ZNF606: variants seen among roughly 807,000 people sequenced by gnomAD.
The protein encoded by ZNF606 is zinc finger protein 606.
In ZNF606, 37 loss-of-function variants were observed where a neutral mutation model predicts 74.9. The ratio of observed to expected loss-of-function variants is 0.49; its 90% CI spans 0.38 to 0.65. ZNF606 has a LOEUF of 0.65. Among genes scored for constraint, ZNF606 ranks in the 30% least tolerant of loss-of-function variants. The probability of loss-of-function intolerance (pLI) is 0.00; values close to 1 mark genes in which losing one functional copy is unlikely to be tolerated. For missense variants in ZNF606, 852 were observed against 952.9 expected (o/e 0.89, Z 1.39); for synonymous variants, 328 against 312.4 (o/e 1.05, Z -0.53).
chr19:57,986,215 A>C (rs1018633878), intron 6 of ZNF606, among the ~76,000 whole-genome samples: 2 of 151,496 alleles, frequency 1.3e-5, no homozygotes, highest in African/African-American at 4.9e-5. Flanking sequence ...GGCTGGGGAT[A>C]GTGACTCACG....
At chr19:57,991,070 C>G (rs1358166149) in intron 4 of ZNF606, among the ~76,000 whole-genome samples, 1 of 152,156 alleles carries the variant, frequency 6.6e-6, no homozygotes, top group African/African-American at 2.4e-5. Flanking sequence ...AGTCCATCTC[C>G]TCCTGCAAGG....
chr19:57,980,065 T>C lies in ZNF606; in HGVS notation c.615A>G (p.Leu205=), dbSNP rs1471141974. The change falls in exon 7 of 7, where the codon CTA becomes CTG. Residue 205 remains leucine, a synonymous_variant. Coordinates refer to ENST00000551380, the MANE Select transcript of ZNF606 (RefSeq NM_001348022.3). The part of the protein sequence containing the change: ...RQMVFMQKQV[L]SQRSSEFCGL... The stretch of plus-strand genomic sequence containing the variant: ...CACAGAATTCAGAGCTTCTCTGGGA[T>C]AGTACTTGCTTTTGCATGAAGACCA... The C allele has an allele frequency of 1.9e-6, 3 of 1,613,812 alleles. No homozygotes were observed. The highest frequency in any genetic ancestry group is 1.1e-5 in the South Asian group (1 of 91,086).
rs767959841 is a variant in ZNF606 at position 57,979,466 on chromosome 19, C to A, written c.1214G>T (p.Cys405Phe). 6.2e-7 allele frequency: 1 copy of A among 1,614,136 alleles called. No individual in the cohort carries two copies. The highest frequency in any genetic ancestry group is 2.2e-5 in the East Asian group (1 of 44,872). ...AGAGCTCCAGATGAAAGACGTCCCA[C>A]ATTCATTGTAGTCATAGGGTTTCTC... is the stretch of plus-strand genomic sequence containing the variant. Reference protein sequence around the residue: ...TAEKPYDYNECGTSFIWSSYL... With the variant: ...TAEKPYDYNEFGTSFIWSSYL... Residue 405 changes from cysteine to phenylalanine, a missense_variant, in exon 7 of 7, where the codon TGT becomes TTT. By Grantham distance (205) the Cys-to-Phe change is radical. Around this residue, in one of 3 missense-constraint regions of ZNF606, gnomAD observed 545 missense variants for 542.5 expected, o/e 1.00. Coordinates refer to ENST00000551380, the MANE Select transcript of ZNF606 (RefSeq NM_001348022.3).
At chr19:57,999,490 G>T in intron 4 of ZNF606, 1 of 464,736 alleles carries the variant, frequency 2.2e-6, no homozygotes. Flanking sequence ...CACAGCATCA[G>T]CCTAAATCGG....
intron 6 of ZNF606, among the ~76,000 whole-genome samples, chr19:57,981,208 T>C (rs888375089): frequency 2.6e-5 from 4 of 152,186 alleles, no homozygotes; most frequent in African/African-American, 9.7e-5. Context: ...GCACGTGTTG[T>C]CACAACTCCT....
chr19:58,001,472 T>C, intron 1 of ZNF606, 102 bp from the exon 2 acceptor site: 1 of 828,870 alleles, frequency 1.2e-6, no homozygotes, highest in Non-Finnish European at 2.0e-6. Context: ...AAAAAACTTG[T>C]AAGGAGCATC....
rs201673912 is a variant in ZNF606 at position 57,980,854 on chromosome 19, AT to A, written c.401-576del. Reference sequence around the variant, plus strand: ...CGTCTCAAAAAAAAAAAAAAAAAAAATGTGCAAGAAAGAGTTAACTCTGCAG... The same window carrying A: ...CGTCTCAAAAAAAAAAAAAAAAAAAAGTGCAAGAAAGAGTTAACTCTGCAG... On this transcript the variant is annotated intron_variant, in intron 6 of 6. Transcript: ENST00000551380. Among the ~76,000 whole-genome samples, 201 of 137,286 alleles carry A rather than the reference AT, an allele frequency of 1.5e-3. 4 individuals carry two copies. In the East Asian group the frequency reaches 0.038, roughly 26 times the overall value. 90.1% of individuals were successfully genotyped at this position (137,286 alleles called of 152,430 possible).
intron 4 of ZNF606, among the ~76,000 whole-genome samples, chr19:57,992,562 T>G (rs28717980): frequency 0.014 from 2,168 of 152,306 alleles, 45 homozygotes; most frequent in African/African-American, 0.049. Flanking sequence ...GGATCCTGAT[T>G]TGAACAAACC....
upstream of ZNF606, chr19:58,003,066 G>A: frequency 2.5e-6 from 1 of 406,176 alleles, no homozygotes; most frequent in Non-Finnish European, 5.0e-6. Flanking sequence ...GGCCCCGCGG[G>A]CCTCGGTTTG....
chr19:58,000,528 C>T lies in ZNF606; in HGVS notation c.88+155G>A, dbSNP rs781769974. On this transcript the variant is annotated intron_variant, in intron 3 of 6. Transcript: ENST00000551380. Reference sequence around the variant, plus strand: ...GTCACCACGCCTGGCCACTAGTTTTCTGATTCCTCCTTGTTCCAGCTCTGC... The same window carrying T: ...GTCACCACGCCTGGCCACTAGTTTTTTGATTCCTCCTTGTTCCAGCTCTGC... 1.4e-4 allele frequency: 120 copies of T among 850,872 alleles called. No homozygotes were observed. The Middle Eastern group carries it at 3.2e-3, about 23-fold the overall frequency. 52.7% of individuals were successfully genotyped at this position (850,872 alleles called of 1,614,324 possible). A position where few individuals can be genotyped will look rare whatever the true frequency, so the allele number is the denominator to read the frequency against.
At chr19:57,982,514 C>G (rs1274119203) in intron 6 of ZNF606, among the ~76,000 whole-genome samples, 4 of 152,166 alleles carry the variant, frequency 2.6e-5, no homozygotes, top group African/African-American at 9.7e-5. Context: ...AAGTCATTAT[C>G]CAGATTGCTA....
intron 6 of ZNF606, among the ~76,000 whole-genome samples, chr19:57,983,494 C>T (rs2073119858): frequency 6.6e-6 from 1 of 151,748 alleles, no homozygotes; most frequent in African/African-American, 2.4e-5. Flanking sequence ...AGGAGAATTG[C>T]TTGAACCCGG....
Position 57,978,342 on chromosome 19 carries a change from G to A in ZNF606, c.2338C>T (p.Leu780Phe). Reference protein sequence around the residue: ...GKAFSGHSALLQHQRNHSEEK... With the variant: ...GKAFSGHSALFQHQRNHSEEK... ...TCACTGTGATTTCTCTGGTGTTGAA[G>A]TAGGGCTGAGTGACCACTAAAGGCT... The change falls in exon 7 of 7, where the codon CTT becomes TTT. Residue 780 changes from leucine to phenylalanine, a missense_variant. This residue lies in a region of ZNF606 where 64 missense variants were observed against 51.1 expected (regional missense o/e 1.25). Coordinates refer to ENST00000551380, the MANE Select transcript of ZNF606 (RefSeq NM_001348022.3). This position sits in a 1 kb window ranked among gnomAD's most constrained non-coding sequence, Gnocchi z 4.4. 1 of 1,591,004 alleles carries A rather than the reference G, an allele frequency of 6.3e-7. No individual in the cohort carries two copies. Among genetic ancestry groups the A allele is most frequent in the Non-Finnish European group, 8.6e-7 (1 of 1,166,074 alleles).
At chr19:57,982,630 C>G (rs370115867) in intron 6 of ZNF606, among the ~76,000 whole-genome samples, 2 of 151,988 alleles carry the variant, frequency 1.3e-5, no homozygotes, top group Non-Finnish European at 2.9e-5. Context: ...TTTTACCACC[C>G]AAGTCCATTA....
Position 57,989,629 on chromosome 19 carries a change from TAG to T in ZNF606, c.178-910_178-909del, listed in dbSNP as rs1179974758. On this transcript the variant is annotated intron_variant, in intron 4 of 6. Transcript: ENST00000551380. ...GCCTGGCTAATTTTTGTATTTTTAG[TAG>T]AGACAGGGTTTTGCCATGTTGGCCA... 4.6e-5 allele frequency among the ~76,000 whole-genome samples: 7 copies of T among 151,946 alleles called. No homozygotes were observed. The East Asian group carries it at 1.4e-3, about 30-fold the overall frequency.
intron 6 of ZNF606, among the ~76,000 whole-genome samples, chr19:57,981,969 G>A (rs1314937786): frequency 6.6e-6 from 1 of 152,190 alleles, no homozygotes; most frequent in Non-Finnish European, 1.5e-5. Flanking sequence ...TTAATACACA[G>A]GAACTGCCTA....
intron 2 of ZNF606, chr19:58,001,057 G>C: frequency 3.5e-6 from 2 of 568,024 alleles, no homozygotes; most frequent in Non-Finnish European, 3.1e-6. Flanking sequence ...CAAACCACCA[G>C]AAAAATCCCT....
intron 4 of ZNF606, among the ~76,000 whole-genome samples, chr19:57,995,117 C>T (rs1044404627): frequency 1.2e-4 from 18 of 147,064 alleles, no homozygotes; most frequent in African/African-American, 3.3e-4. Context: ...CTTGAACCCG[C>T]GAGGCAAGGT....
At chr19:57,983,563 G>A (rs1282296565) in intron 6 of ZNF606, among the ~76,000 whole-genome samples, 7 of 150,588 alleles carry the variant, frequency 4.6e-5, no homozygotes, top group African/African-American at 1.7e-4. Context: ...GGGCAACAAG[G>A]GCAAAACTCC....
Sources: allele counts gnomAD v4.1 joint callset (sites outside exome capture counted in the v4.1 genomes callset), GRCh38; gene constraint gnomAD v4.1.1; regional missense constraint gnomAD v4.1.1; non-coding constraint Gnocchi (gnomAD v3.1); transcripts MANE v1.5; gene names NCBI Gene and HGNC (gene_info 2026-07-23, HGNC 2026-07-21).